Variants in MACROD2 observed in about 807,000 individuals in gnomAD.
MACROD2 encodes ADP-ribose glycohydrolase MACROD2.
Under a neutral mutation model 70.4 loss-of-function variants are expected in MACROD2, and 36 were observed. That is an observed-to-expected ratio of 0.51 (90% CI 0.39 to 0.68). MACROD2 has a LOEUF of 0.68. MACROD2 is among the 30% of genes least tolerant of loss of function. The pLI, the probability that MACROD2 is intolerant of heterozygous loss-of-function variation, is 0.00. For synonymous variants in MACROD2, 172 were observed against 178.8 expected, an observed-to-expected ratio of 0.96 and a Z score of 0.30; for missense variants, 496 against 538.4, an observed-to-expected ratio of 0.92 and a Z score of 0.78.
intron 7 of MACROD2, among the ~76,000 whole-genome samples, chr20:15,449,984 G>A (rs555642674): frequency 6.6e-6 from 1 of 152,244 alleles, no homozygotes; most frequent in African/African-American, 2.4e-5. Flanking sequence ...GACAGAGTGA[G>A]ACTCCGTCTC....
intron 6 of MACROD2, among the ~76,000 whole-genome samples, chr20:15,303,878 T>A (rs976822365): frequency 6.6e-6 from 1 of 152,196 alleles, no homozygotes; most frequent in Non-Finnish European, 1.5e-5. Flanking sequence ...TCTGTTGGAA[T>A]TTTATTTATT....
intron 5 of MACROD2, among the ~76,000 whole-genome samples, chr20:14,932,347 C>T (rs1016997147): frequency 2.0e-5 from 3 of 152,058 alleles, no homozygotes; most frequent in African/African-American, 7.2e-5. Flanking sequence ...TGGGAACAGG[C>T]GGAGTGAAAA....
At chr20:14,266,252 A>G (rs2082143429) in intron 3 of MACROD2, among the ~76,000 whole-genome samples, 1 of 152,184 alleles carries the variant, frequency 6.6e-6, no homozygotes, top group Non-Finnish European at 1.5e-5. Context: ...TCTTTGGGCC[A>G]TAATTTTCTT....
intron 3 of MACROD2, among the ~76,000 whole-genome samples, chr20:14,345,892 G>T (rs117618951): frequency 0.026 from 3,934 of 151,808 alleles, 54 homozygotes; most frequent in African/African-American, 0.033. Flanking sequence ...GACCATCCTG[G>T]CTAATATGGT....
intron 4 of MACROD2, among the ~76,000 whole-genome samples, chr20:14,666,897 A>G (rs2070742366): frequency 1.3e-5 from 2 of 151,662 alleles, no homozygotes; most frequent in Non-Finnish European, 2.9e-5. Context: ...TGTGATGGTC[A>G]GTTTTGGGTC....
intron 5 of MACROD2, among the ~76,000 whole-genome samples, chr20:15,146,711 A>C (rs2076232869): frequency 6.6e-6 from 1 of 152,148 alleles, no homozygotes; most frequent in Admixed American, 6.5e-5. Context: ...CTGACTTTTC[A>C]TTCCTATATT....
At chr20:14,921,325 T>A (rs182944150) in intron 5 of MACROD2, among the ~76,000 whole-genome samples, 2 of 152,364 alleles carry the variant, frequency 1.3e-5, no homozygotes, top group Admixed American at 6.5e-5. Context: ...TAATTTAAAC[T>A]GCTCATGTAC....
intron 5 of MACROD2, among the ~76,000 whole-genome samples, chr20:14,721,425 A>C (rs1410221656): frequency 6.6e-6 from 1 of 152,110 alleles, no homozygotes; most frequent in Non-Finnish European, 1.5e-5. Context: ...AAACCCCCAC[A>C]AAACTCAAGG....
At chr20:15,059,399 GAAAAAGAAAA>G (rs1387162544) in intron 5 of MACROD2, among the ~76,000 whole-genome samples, 2 of 150,850 alleles carry the variant, frequency 1.3e-5, no homozygotes, top group Non-Finnish European at 3.0e-5. Context: ...AAAAAGAATA[GAAAAAGAAAA>G]AAAAAGAAAA....
chr20:15,888,275 A>C (rs2064846468), intron 10 of MACROD2, among the ~76,000 whole-genome samples: 1 of 152,178 alleles, frequency 6.6e-6, no homozygotes, highest in Non-Finnish European at 1.5e-5. Flanking sequence ...ATTGTTAAAA[A>C]GAACCATATG....
rs1024790306 is a variant in MACROD2 at position 14,583,365 on chromosome 20, T to C, written c.301+89857T>C. Among the ~76,000 whole-genome samples, 4 of 152,244 alleles carry C rather than the reference T, an allele frequency of 2.6e-5. No individual in the cohort carries two copies. The East Asian group carries it at 7.7e-4, about 29-fold the overall frequency. On this transcript the variant is annotated intron_variant, in intron 4 of 17. Coordinates refer to ENST00000684519, the MANE Select transcript of MACROD2 (RefSeq NM_001351661.2). ...CTTGAATAAACTCCCCAGCCTCTCA[T>C]CATTTAGGTGGGCAACCCTGGGAGG...
At chr20:14,964,048 CT>C (rs2074608262) in intron 5 of MACROD2, among the ~76,000 whole-genome samples, 1 of 151,382 alleles carries the variant, frequency 6.6e-6, no homozygotes, top group Non-Finnish European at 1.5e-5. Flanking sequence ...AGATTTTTTT[CT>C]GTGTTTTTTT....
intron 3 of MACROD2, among the ~76,000 whole-genome samples, chr20:14,465,798 A>G (rs2084438734): frequency 6.6e-6 from 1 of 152,072 alleles, no homozygotes; most frequent in Non-Finnish European, 1.5e-5. Context: ...TATGAAGCTT[A>G]GTTTGGCTGG....
chr20:14,411,856 G>A (rs1161602264), intron 3 of MACROD2, among the ~76,000 whole-genome samples: 1 of 152,070 alleles, frequency 6.6e-6, no homozygotes, highest in African/African-American at 2.4e-5. Flanking sequence ...TATGCAGCTT[G>A]ATAGCTCTCT....
chr20:15,838,272 G>A (rs753497675), intron 8 of MACROD2, among the ~76,000 whole-genome samples: 1 of 152,052 alleles, frequency 6.6e-6, no homozygotes, highest in Non-Finnish European at 1.5e-5. Flanking sequence ...GCTCTTCAGT[G>A]TAGGAGAAAT....
intron 5 of MACROD2, among the ~76,000 whole-genome samples, chr20:15,206,721 G>GTTGTTTTTTTTTTTTTTTTTTT (rs2076707122): frequency 3.0e-5 from 1 of 32,990 alleles, no homozygotes; most frequent in Non-Finnish European, 5.1e-5. Context: ...TATTATCTAT[G>GTTGTTTTTTTTTTTTTTTTTTT]TTTTTTTTTT....
intron 8 of MACROD2, among the ~76,000 whole-genome samples, chr20:15,699,513 CT>C (rs771531948): frequency 9.7e-4 from 147 of 152,218 alleles, no homozygotes; most frequent in Non-Finnish European, 1.7e-3. Flanking sequence ...GGGTCCTTAG[CT>C]TTGGTGGTTT....
chr20:15,252,467 C>T (rs943620735), intron 6 of MACROD2, among the ~76,000 whole-genome samples: 15 of 152,178 alleles, frequency 9.9e-5, no homozygotes, highest in African/African-American at 3.1e-4. Flanking sequence ...AGAGCTGTCT[C>T]TCTCTGGAAC....
intron 5 of MACROD2, among the ~76,000 whole-genome samples, chr20:14,776,896 A>G (rs1179028661): frequency 6.6e-6 from 1 of 152,054 alleles, no homozygotes; most frequent in East Asian, 1.9e-4. Flanking sequence ...AATTTAAATA[A>G]ATAGAGCCAT....
Sources: allele counts gnomAD v4.1 joint callset (sites outside exome capture counted in the v4.1 genomes callset), GRCh38; gene constraint gnomAD v4.1.1; transcripts MANE v1.5; gene names NCBI Gene and HGNC (gene_info 2026-07-23, HGNC 2026-07-21).